Variants in GREM2 observed in about 807,000 individuals in gnomAD.
The protein encoded by GREM2 is gremlin-2.
In GREM2, 11 loss-of-function variants were observed where a neutral mutation model predicts 14.2. The ratio of observed to expected loss-of-function variants is 0.78; its 90% CI spans 0.49 to 1.28. The LOEUF (loss-of-function observed/expected upper bound fraction) is 1.28. Among genes scored for constraint, GREM2 ranks in the 50% most tolerant of loss-of-function variants. The pLI is 0.00. For synonymous variants in GREM2, 98 were observed against 97.6 expected, an observed-to-expected ratio of 1.00 and a Z score of -0.02; for missense variants, 210 against 218.5, an observed-to-expected ratio of 0.96 and a Z score of 0.24.
intron 1 of GREM2, among the ~76,000 whole-genome samples, chr1:240,609,309 T>C (rs1488883690): frequency 1.3e-5 from 2 of 152,030 alleles, no homozygotes; most frequent in Admixed American, 6.6e-5. Flanking sequence ...TAAAGACATC[T>C]TTCCAACTGG....
intron 1 of GREM2, among the ~76,000 whole-genome samples, chr1:240,606,139 C>T (rs1224559328): frequency 6.6e-6 from 1 of 152,158 alleles, no homozygotes; most frequent in Non-Finnish European, 1.5e-5. Flanking sequence ...AGTCTCTGAT[C>T]CTAGCTCTAA....
rs531831733 is a variant in GREM2 at position 240,543,139 on chromosome 1, C to T, written c.-1-49663G>A. 3.9e-5 allele frequency among the ~76,000 whole-genome samples: 6 copies of T among 152,278 alleles called. No individual in the cohort carries two copies. In the South Asian group the frequency reaches 1.2e-3, roughly 32 times the overall value. On this transcript the variant is annotated intron_variant, in intron 1 of 1. Transcript: ENST00000318160. The surrounding 1 kb of genome is among the most constrained non-coding windows in gnomAD (Gnocchi z 6.4). ...ATTATTTGACTATTATTTTACATCC[C>T]CCATCAGATTGTGGATCACCTAAGG...
intron 1 of GREM2, among the ~76,000 whole-genome samples, chr1:240,497,482 A>G (rs1383163995): frequency 2.0e-5 from 3 of 152,018 alleles, no homozygotes; most frequent in African/African-American, 7.2e-5. Flanking sequence ...TTCTACCTGG[A>G]GAAGGAGCAG....
intron 1 of GREM2, among the ~76,000 whole-genome samples, chr1:240,537,169 T>C (rs1678491608): frequency 6.6e-6 from 1 of 152,200 alleles, no homozygotes; most frequent in Admixed American, 6.5e-5. Flanking sequence ...AAATGGAAGC[T>C]ATTTGAATAT....
chr1:240,493,562 A>T, intron 1 of GREM2, 86 bp from the exon 2 acceptor site: 5 of 1,401,160 alleles, frequency 3.6e-6, no homozygotes, highest in Non-Finnish European at 4.7e-6. Flanking sequence ...TATTTTAGAC[A>T]TGGTCTGGCT....
chr1:240,512,614 T>C (rs1181145955), intron 1 of GREM2, among the ~76,000 whole-genome samples: 2 of 110,080 alleles, frequency 1.8e-5, no homozygotes, highest in Non-Finnish European at 3.7e-5. Context: ...AATACATTCT[T>C]ACTTCCCTGA....
intron 1 of GREM2, among the ~76,000 whole-genome samples, chr1:240,574,582 T>C (rs1336585211): frequency 6.6e-6 from 1 of 152,062 alleles, no homozygotes; most frequent in African/African-American, 2.4e-5. Flanking sequence ...ATGGGTTAAG[T>C]AAACTTAAAG....
Position 240,497,597 on chromosome 1 carries a change from G to A in GREM2, c.-1-4121C>T, listed in dbSNP as rs147870945. Reference sequence around the variant, plus strand: ...CAAAGGGTTTGGTACTGTCGATGACGCTGGGCAAAGGGAGTAAAAAAAAAA... The same window carrying A: ...CAAAGGGTTTGGTACTGTCGATGACACTGGGCAAAGGGAGTAAAAAAAAAA... On this transcript the variant is annotated intron_variant, in intron 1 of 1. Coordinates refer to ENST00000318160, the MANE Select transcript of GREM2 (RefSeq NM_022469.4). Among the ~76,000 whole-genome samples the A allele has an allele frequency of 1.7e-4, 25 of 145,760 alleles. No homozygotes were observed. In the East Asian group the frequency reaches 4.2e-3, roughly 24 times the overall value.
At chr1:240,606,744 T>C (rs892945302) in intron 1 of GREM2, among the ~76,000 whole-genome samples, 10 of 151,060 alleles carry the variant, frequency 6.6e-5, no homozygotes, top group Admixed American at 6.0e-4. Flanking sequence ...AGTGGCGCGA[T>C]CTCAGCTCAC....
intron 1 of GREM2, among the ~76,000 whole-genome samples, chr1:240,593,676 G>A (rs1282412539): frequency 3.9e-5 from 6 of 152,152 alleles, no homozygotes; most frequent in Admixed American, 3.9e-4. Flanking sequence ...CTTCATGGCG[G>A]AATCCTTCAC....
intron 1 of GREM2, among the ~76,000 whole-genome samples, chr1:240,579,748 C>T (rs12098162): frequency 1.7e-4 from 26 of 152,202 alleles, no homozygotes; most frequent in African/African-American, 6.3e-4. Flanking sequence ...AGCTTGAAGG[C>T]GTAGCATTTG....
At chr1:240,594,892 C>T (rs1020056143) in intron 1 of GREM2, among the ~76,000 whole-genome samples, 22 of 152,030 alleles carry the variant, frequency 1.4e-4, no homozygotes, top group Admixed American at 1.2e-3. Context: ...CTGTTCAGGA[C>T]GTTACTGTAC....
intron 1 of GREM2, among the ~76,000 whole-genome samples, chr1:240,607,114 G>A (rs1680041653): frequency 6.6e-6 from 1 of 152,140 alleles, no homozygotes; most frequent in African/African-American, 2.4e-5. Context: ...CCTATAAAAT[G>A]TTTAGCAAAT....
Position 240,492,131 on chromosome 1 carries a change from C to T in GREM2, c.*838G>A, listed in dbSNP as rs887899790. Reference sequence around the variant, plus strand: ...TGAATAGGTCTATAATACTTTTTAACAGCTCTTTACAATATACGGTCACTT... The same window carrying T: ...TGAATAGGTCTATAATACTTTTTAATAGCTCTTTACAATATACGGTCACTT... On this transcript the variant is annotated 3_prime_UTR_variant, in exon 2 of 2. Coordinates refer to ENST00000318160, the MANE Select transcript of GREM2 (RefSeq NM_022469.4). 2.0e-5 allele frequency: 7 copies of T among 358,124 alleles called. No individual in the cohort carries two copies. The highest frequency in any genetic ancestry group is 1.3e-4 in the African/African-American group (6 of 47,624). 22.2% of individuals were successfully genotyped at this position (358,124 alleles called of 1,614,324 possible).
chr1:240,534,211 G>A lies in GREM2; in HGVS notation c.-1-40735C>T, dbSNP rs540453536. On this transcript the variant is annotated intron_variant, in intron 1 of 1. Transcript: ENST00000318160. ...CATCTCAGGGAGGAGGACAGCATGAGCAAAAAAATAGAGCATACAAAATGT... is the reference window on the plus strand; with the variant it reads ...CATCTCAGGGAGGAGGACAGCATGAACAAAAAAATAGAGCATACAAAATGT... Among the ~76,000 whole-genome samples, 7 of 152,072 alleles carry A rather than the reference G, an allele frequency of 4.6e-5. No homozygotes were observed. In the South Asian group the frequency reaches 1.2e-3, roughly 27 times the overall value.
At chr1:240,564,734 T>A (rs748769574) in intron 1 of GREM2, among the ~76,000 whole-genome samples, 8 of 152,190 alleles carry the variant, frequency 5.3e-5, no homozygotes, top group Non-Finnish European at 1.2e-4. Context: ...AGGCAAGGTA[T>A]ATTAACTGCA....
At chr1:240,606,225 AAAG>A (rs1209624087) in intron 1 of GREM2, among the ~76,000 whole-genome samples, 2 of 152,254 alleles carry the variant, frequency 1.3e-5, no homozygotes, top group African/African-American at 2.4e-5. Context: ...TGAGAAATAA[AAAG>A]AAGAACAAGA....
chr1:240,593,644 G>T (rs1242537570), intron 1 of GREM2, among the ~76,000 whole-genome samples: 1 of 152,176 alleles, frequency 6.6e-6, no homozygotes, highest in East Asian at 1.9e-4. Flanking sequence ...AGTCACCTTT[G>T]TGTGTTGCAG....
intron 1 of GREM2, among the ~76,000 whole-genome samples, chr1:240,610,521 CA>C (rs913449688): frequency 3.3e-5 from 5 of 151,972 alleles, no homozygotes; most frequent in African/African-American, 9.7e-5. Context: ...AACAAACAAA[CA>C]AAAAAAGGTC....
Sources: gnomAD v4.1 joint callset for allele counts (sites outside exome capture counted in the v4.1 genomes callset) on GRCh38, gnomAD v4.1.1 for gene constraint, Gnocchi (gnomAD v3.1) non-coding constraint, MANE v1.5 for transcripts, NCBI Gene and HGNC (gene_info 2026-07-23, HGNC 2026-07-21) for gene names.